SAMD5: variants seen among roughly 807,000 people sequenced by gnomAD.
SAMD5 encodes the protein sterile alpha motif domain containing 5.
A neutral mutation model predicts 11.3 loss-of-function variants in SAMD5; 13 were observed. The ratio of observed to expected loss-of-function variants is 1.15; its 90% confidence interval spans 0.75 to 1.83. The LOEUF (loss-of-function observed/expected upper bound fraction) is 1.83, where lower values mean the gene tolerates loss of function less well. SAMD5 is among the 40% of genes most tolerant of loss of function. The pLI is 0.00. For synonymous variants in SAMD5, 129 were observed against 111.3 expected (o/e 1.16, Z -1.00); for missense variants, 255 against 239.1 (o/e 1.07, Z -0.44).
At chr6:147,533,674 C>T (rs1418268147) in intron 1 of SAMD5, among the ~76,000 whole-genome samples, 1 of 151,970 alleles carries the variant, frequency 6.6e-6, no homozygotes, top group Non-Finnish European at 1.5e-5. Context: ...CCTCCTCCTC[C>T]CCGCCTCCTC....
chr6:147,816,695 T>C, the SAMD5 span, among the ~76,000 whole-genome samples: 1 of 152,258 alleles, frequency 6.6e-6, no homozygotes, highest in South Asian at 2.1e-4. Flanking sequence ...GTAATAAATT[T>C]TGGAGGTAAC....
intron 1 of SAMD5, among the ~76,000 whole-genome samples, chr6:147,669,912 A>G (rs544900549): frequency 2.0e-4 from 31 of 152,320 alleles, no homozygotes; most frequent in African/African-American, 7.2e-4. Context: ...AATGACATCT[A>G]GAATGGTGAA....
chr6:147,757,505 A>G, the SAMD5 span, among the ~76,000 whole-genome samples: 1 of 152,214 alleles, frequency 6.6e-6, no homozygotes, highest in Admixed American at 6.5e-5. Flanking sequence ...AAGAGACAGA[A>G]TTATGTCACA....
chr6:147,764,905 A>G, the SAMD5 span, among the ~76,000 whole-genome samples: 2 of 152,150 alleles, frequency 1.3e-5, no homozygotes. Context: ...TTCTCTTTGT[A>G]TGCACGGTGG....
intron 1 of SAMD5, among the ~76,000 whole-genome samples, chr6:147,729,420 A>G (rs1480643764): frequency 1.3e-5 from 2 of 152,228 alleles, no homozygotes; most frequent in South Asian, 4.1e-4. Flanking sequence ...GAATTTATTT[A>G]TTTCCAACAC....
rs1291196160 is a variant in SAMD5, at chr6:147,568,849, A to T, written c.*4393A>T. On this transcript the variant is annotated 3_prime_UTR_variant, in exon 2 of 2. Transcript: ENST00000367474. ...AATCTCTGAGGACATAAAATCAAAT[A>T]ACTTTCTAGTCCATGATCATTAATC... is the stretch of plus-strand genomic sequence containing the variant. The T allele has an allele frequency of 1.0e-6, 1 of 952,944 alleles. No homozygotes were observed. The highest frequency in any genetic ancestry group is 1.2e-6 in the Non-Finnish European group (1 of 800,544). The allele number at this position is 952,944 out of a possible 1,614,324, so 59.0% of individuals were successfully genotyped here.
the SAMD5 span, among the ~76,000 whole-genome samples, chr6:147,889,103 C>A: frequency 1.3e-5 from 2 of 152,130 alleles, no homozygotes; most frequent in Non-Finnish European, 2.9e-5. Context: ...TTTGTATATT[C>A]CAATTACGTG....
rs916165332 is a variant in SAMD5, at chr6:147,566,581, A to G, written c.*2125A>G. On this transcript the variant is annotated 3_prime_UTR_variant, in exon 2 of 2. Transcript: ENST00000367474. Reference sequence around the variant, plus strand: ...GAAAAAGGGTTCCTTGGTCATTTCAAGTTTTATTTTCTATTAGAGTAATAT... The same window carrying G: ...GAAAAAGGGTTCCTTGGTCATTTCAGGTTTTATTTTCTATTAGAGTAATAT... 3 of 981,462 alleles carry G rather than the reference A, an allele frequency of 3.1e-6. No homozygotes were observed. Among genetic ancestry groups the G allele is most frequent in the Admixed American group, 1.2e-4 (2 of 16,246 alleles). The allele number at this position is 981,462 out of a possible 1,614,324, so 60.8% of individuals were successfully genotyped here.
chr6:147,940,424 T>A, the SAMD5 span, among the ~76,000 whole-genome samples: 5 of 152,268 alleles, frequency 3.3e-5, no homozygotes, highest in African/African-American at 1.2e-4. Flanking sequence ...AGCGTGTTCA[T>A]CACAGCGCCC....
chr6:147,874,576 C>CT, the SAMD5 span, among the ~76,000 whole-genome samples: 1 of 151,260 alleles, frequency 6.6e-6, no homozygotes, highest in Non-Finnish European at 1.5e-5. Context: ...GTCATTGCTG[C>CT]TTTTTTTAAG....
intron 1 of SAMD5, among the ~76,000 whole-genome samples, chr6:147,656,899 C>CGTGTGTGTGTGT (rs55906300): frequency 0.017 from 2,498 of 149,138 alleles, 57 homozygotes; most frequent in Admixed American, 0.067. Flanking sequence ...ATACAGTATA[C>CGTGTGTGTGTGT]GTGTGTGTGT....
At chr6:147,871,361 TA>T in the SAMD5 span, among the ~76,000 whole-genome samples, 1 of 152,148 alleles carries the variant, frequency 6.6e-6, no homozygotes, top group African/African-American at 2.4e-5. Context: ...CTATAAAAAC[TA>T]TACAAATTTA....
chr6:147,548,822 G>A (rs1316822537), intron 1 of SAMD5, among the ~76,000 whole-genome samples: 1 of 152,076 alleles, frequency 6.6e-6, no homozygotes, highest in Non-Finnish European at 1.5e-5. Context: ...TGAAAATGAA[G>A]GCAGAGTATG....
chr6:147,894,444 A>T, the SAMD5 span, among the ~76,000 whole-genome samples: 9 of 151,558 alleles, frequency 5.9e-5, 1 homozygote, highest in African/African-American at 2.2e-4. Context: ...TTTGATACTG[A>T]CTCTGTAGGT....
chr6:147,735,642 C>A (rs1260223107), intron 1 of SAMD5, among the ~76,000 whole-genome samples: 1 of 144,850 alleles, frequency 6.9e-6, no homozygotes, highest in Non-Finnish European at 1.5e-5. Flanking sequence ...GAGATCGTAT[C>A]ATCTATTTTA....
At chr6:147,867,971 C>A in the SAMD5 span, among the ~76,000 whole-genome samples, 1 of 152,124 alleles carries the variant, frequency 6.6e-6, no homozygotes, top group South Asian at 2.1e-4. Flanking sequence ...CCACTATTAC[C>A]AATGTGTTTA....
intron 1 of SAMD5, among the ~76,000 whole-genome samples, chr6:147,589,283 C>T (rs1010584831): frequency 4.6e-5 from 7 of 152,012 alleles, no homozygotes; most frequent in East Asian, 1.9e-4. Flanking sequence ...TAACAATGCC[C>T]GTTTTCACTT....
downstream of SAMD5, among the ~76,000 whole-genome samples, chr6:147,571,729 A>G (rs1447637450): frequency 1.3e-5 from 2 of 152,202 alleles, no homozygotes; most frequent in African/African-American, 2.4e-5. Context: ...TTGGAAGTTA[A>G]TTAATCTACA....
the SAMD5 span, among the ~76,000 whole-genome samples, chr6:147,773,236 A>T: frequency 1.3e-5 from 2 of 152,182 alleles, no homozygotes; most frequent in Non-Finnish European, 2.9e-5. Context: ...ACAATGATTC[A>T]TCTCTCAGTT....
Sources: allele counts gnomAD v4.1 joint callset (sites outside exome capture counted in the v4.1 genomes callset), GRCh38; gene constraint gnomAD v4.1.1; transcripts MANE v1.5; gene names NCBI Gene and HGNC (gene_info 2026-07-23, HGNC 2026-07-21).